Variants in SNRNP27 observed in about 807,000 individuals in gnomAD.
SNRNP27 encodes the protein U4/U6.U5 small nuclear ribonucleoprotein 27 kDa protein.
In SNRNP27, 22 loss-of-function variants were observed where a neutral mutation model predicts 25.1. The observed-to-expected ratio is 0.88, with a 90% CI of 0.63 to 1.25. The LOEUF is 1.25. Among genes scored for constraint, SNRNP27 ranks in the 50% most tolerant of loss-of-function variants. SNRNP27 has a pLI of 0.00. For synonymous variants in SNRNP27, 66 were observed against 64.9 expected, an observed-to-expected ratio of 1.02 and a Z score of -0.08; for missense variants, 150 against 202.3, an observed-to-expected ratio of 0.74 and a Z score of 1.57.
intron 5 of SNRNP27, 30 bp from the exon 6 acceptor site, chr2:69,904,224 A>G: frequency 6.5e-7 from 1 of 1,545,866 alleles, no homozygotes; most frequent in Non-Finnish European, 8.8e-7. Flanking sequence ...GGATTAAAAA[A>G]AAACAATGAA....
In SNRNP27 at chr2:69,896,452, A is replaced by G. The variant is rs1228375056; in HGVS notation, c.172A>G (p.Arg58Gly). The change falls in exon 3 of 6, where the codon AGA (arginine) becomes GGA (glycine). Residue 58 changes from arginine to glycine, a missense_variant. By Grantham distance (125) the Arg-to-Gly change is moderately radical. This residue lies in a region of SNRNP27 where 142 missense variants were observed against 168.6 expected (regional missense o/e 0.84). Coordinates refer to ENST00000244227, the MANE Select transcript of SNRNP27 (RefSeq NM_006857.3). ...RRRSRSPRRHRSTSPSPSRLK... is the reference protein window; with the variant it reads ...RRRSRSPRRHGSTSPSPSRLK... ...AAATATTAGATCTCCAAGACGACAT[A>G]GATCCACATCTCCTTCCCCTTCTCG... 2 of 1,612,098 alleles carry G rather than the reference A, an allele frequency of 1.2e-6. No individual in the cohort carries two copies. The highest frequency in any genetic ancestry group is 2.7e-5 in the African/African-American group (2 of 74,880).
chr2:69,904,733 C>G lies in SNRNP27; in HGVS notation c.*425C>G, dbSNP rs1676765015. ...CAGACATTTTCTTTTTTTTTTCACACATAGATTTAAGTATCTTGATTGTTA... is the reference window on the plus strand; with the variant it reads ...CAGACATTTTCTTTTTTTTTTCACAGATAGATTTAAGTATCTTGATTGTTA... On this transcript the variant is annotated 3_prime_UTR_variant, in exon 6 of 6. Coordinates refer to ENST00000244227, the MANE Select transcript of SNRNP27 (RefSeq NM_006857.3). 1 of 198,104 alleles carries G rather than the reference C, an allele frequency of 5.0e-6. No individual in the cohort carries two copies. 12.3% of individuals were successfully genotyped at this position (198,104 alleles called of 1,614,324 possible). A position where few individuals can be genotyped will look rare whatever the true frequency, so the allele number is the denominator to read the frequency against.
Position 69,899,710 on chromosome 2 carries a change from G to A in SNRNP27, c.348+2254G>A, listed in dbSNP as rs373108893. Among the ~76,000 whole-genome samples, 26 of 152,274 alleles carry A rather than the reference G, an allele frequency of 1.7e-4. No homozygotes were observed. In the East Asian group the frequency reaches 3.3e-3, roughly 19 times the overall value. On this transcript the variant is annotated intron_variant, in intron 4 of 5. Coordinates refer to ENST00000244227, the MANE Select transcript of SNRNP27 (RefSeq NM_006857.3). ...CTCCCAAAGTGCTAGGATTACAGGC[G>A]TGAGACATTGCGCCCGGCCTCATTT...
intron 2 of SNRNP27, among the ~76,000 whole-genome samples, chr2:69,895,516 T>G (rs375142914): frequency 6.6e-6 from 1 of 152,302 alleles, no homozygotes; most frequent in South Asian, 2.1e-4. Flanking sequence ...CTTCCGTTCC[T>G]TTCCTTTCCT....
At position 69,894,028 on chromosome 2, in the gene SNRNP27, G is replaced by A; in HGVS notation, c.34+10G>A. The stretch of plus-strand genomic sequence containing the variant: ...CGCTCTCCACGGAGGGGTGAGTCCT[G>A]TAGCAATTCGGAGGATATGGGGCTC... On this transcript the variant is annotated intron_variant, in intron 1 of 5. Coordinates refer to ENST00000244227, the MANE Select transcript of SNRNP27 (RefSeq NM_006857.3). The A allele has an allele frequency of 1.2e-6, 2 of 1,612,580 alleles. No homozygotes were observed. Among genetic ancestry groups the A allele is most frequent in the Non-Finnish European group, 1.7e-6 (2 of 1,178,668 alleles).
At chr2:69,898,564 C>G (rs531619930) in intron 4 of SNRNP27, among the ~76,000 whole-genome samples, 2 of 152,264 alleles carry the variant, frequency 1.3e-5, no homozygotes, top group South Asian at 4.2e-4. Context: ...AAAAAGTTGT[C>G]AAAAATAATC....
At chr2:69,896,341 GTGGTTCTGTGGAGC>G in intron 2 of SNRNP27, 81 bp from the exon 3 acceptor site, 1 of 1,147,526 alleles carries the variant, frequency 8.7e-7, no homozygotes, top group Non-Finnish European at 1.3e-6. Flanking sequence ...GGAATGACTC[GTGGTTCTGTGGAGC>G]TCACCTCATG....
At position 69,899,437 on chromosome 2, in the gene SNRNP27, T is replaced by G. The variant is rs74559138; in HGVS notation, c.348+1981T>G. ...TATTTGTATTATTTTTTATTTTAAT[T>G]TTATTTTTTCGAGACAGAGTCTCGC... is the stretch of plus-strand genomic sequence containing the variant. On this transcript the variant is annotated intron_variant, in intron 4 of 5. Transcript: ENST00000244227. 3.3e-4 allele frequency among the ~76,000 whole-genome samples: 51 copies of G among 152,300 alleles called. No individual in the cohort carries two copies. The East Asian group carries it at 9.1e-3, about 27-fold the overall frequency.
intron 2 of SNRNP27, 142 bp downstream of exon 2, chr2:69,895,356 A>C: frequency 6.6e-6 from 7 of 1,058,568 alleles, no homozygotes; most frequent in Non-Finnish European, 9.4e-6. Context: ...CCTTATTCTA[A>C]AGCTAACATT....
At chr2:69,896,831 G>T (rs978282972) in intron 3 of SNRNP27, among the ~76,000 whole-genome samples, 3 of 151,970 alleles carry the variant, frequency 2.0e-5, no homozygotes, top group African/African-American at 7.3e-5. Context: ...CCGCCACTAT[G>T]CCCGGCTAAT....
rs1377409209 is a variant in SNRNP27, at chr2:69,897,391, G to A, written c.283G>A (p.Gly95Ser). The change falls in exon 4 of 6, where the codon GGC becomes AGC. Residue 95 changes from glycine (G) to serine (S), a missense_variant. Physicochemically the swap from Gly to Ser is moderately conservative, Grantham distance 56 (BLOSUM62 0). Transcript: ENST00000244227. The part of the protein sequence containing the change: ...ERQITEEDLE[G>S]KTEEEIEMMK... The stretch of plus-strand genomic sequence containing the variant: ...CTTTTTTGCAGAGGAAGACTTAGAG[G>A]GCAAAACAGAGGAAGAAATAGAAAT... 1 of 1,612,582 alleles carries A rather than the reference G, an allele frequency of 6.2e-7. No homozygotes were observed. The highest frequency in any genetic ancestry group is 8.5e-7 in the Non-Finnish European group (1 of 1,179,298).
chr2:69,899,586 C>T (rs928746280), intron 4 of SNRNP27, among the ~76,000 whole-genome samples: 1 of 152,018 alleles, frequency 6.6e-6, no homozygotes, highest in Non-Finnish European at 1.5e-5. Context: ...CCTGCCACCA[C>T]GCCTGGCTAA....
intron 4 of SNRNP27, among the ~76,000 whole-genome samples, chr2:69,899,251 T>C (rs533163323): frequency 6.6e-6 from 1 of 152,342 alleles, no homozygotes; most frequent in East Asian, 1.9e-4. Flanking sequence ...ATTTAGTTTA[T>C]ATGCAGTTGG....
Position 69,904,368 on chromosome 2 carries a change from G to T in SNRNP27, c.*60G>T. The stretch of plus-strand genomic sequence containing the variant: ...TCATCTTGGTCAGAGAGTGGATTTT[G>T]TATTTTGTATTTAACTTGCATTCAA... On this transcript the variant is annotated 3_prime_UTR_variant, in exon 6 of 6. Transcript: ENST00000244227. The T allele has an allele frequency of 8.0e-7, 1 of 1,253,108 alleles. No individual in the cohort carries two copies. Among genetic ancestry groups the T allele is most frequent in the Non-Finnish European group, 1.2e-6 (1 of 856,812 alleles). 77.6% of individuals were successfully genotyped at this position (1,253,108 alleles called of 1,614,324 possible).
In SNRNP27 at chr2:69,894,019, G is replaced by C; in HGVS notation, c.34+1G>C. 2 of 1,613,748 alleles carry C rather than the reference G, an allele frequency of 1.2e-6. No homozygotes were observed. Among genetic ancestry groups the C allele is most frequent in the Non-Finnish European group, 1.7e-6 (2 of 1,179,680 alleles). ...AGTCGCAGCCGCTCTCCACGGAGGG[G>C]TGAGTCCTGTAGCAATTCGGAGGAT... On this transcript the variant is annotated splice_donor_variant, in intron 1 of 5. Coordinates refer to ENST00000244227, the MANE Select transcript of SNRNP27 (RefSeq NM_006857.3). LOFTEE classifies it high-confidence loss of function.
chr2:69,897,787 A>G, intron 4 of SNRNP27: 1 of 201,606 alleles, frequency 5.0e-6, no homozygotes, highest in South Asian at 9.1e-5. Context: ...TTCAGATTCG[A>G]CCAGGGATAA....
At position 69,904,846 on chromosome 2, in the gene SNRNP27, T is replaced by A. The variant is rs933457733; in HGVS notation, c.*538T>A. The A allele has an allele frequency of 6.9e-6, 1 of 144,634 alleles. No individual in the cohort carries two copies. Among genetic ancestry groups the A allele is most frequent in the Non-Finnish European group, 1.5e-5 (1 of 67,374 alleles). 9.0% of individuals were successfully genotyped at this position (144,634 alleles called of 1,614,324 possible). A position where few individuals can be genotyped will look rare whatever the true frequency, so the allele number is the denominator to read the frequency against. ...CGCCCCCCCCCAAAAAAATACCATT[T>A]ATGGTTCTCTCCGCAAGTATAAAAG... On this transcript the variant is annotated 3_prime_UTR_variant, in exon 6 of 6. Transcript: ENST00000244227.
intron 4 of SNRNP27, among the ~76,000 whole-genome samples, chr2:69,900,985 C>T (rs1202549090): frequency 6.6e-6 from 1 of 152,002 alleles, no homozygotes; most frequent in Non-Finnish European, 1.5e-5. Context: ...ACCATCCTGG[C>T]CAACATGATG....
At chr2:69,902,144 G>T (rs560913220) in intron 4 of SNRNP27, among the ~76,000 whole-genome samples, 17 of 152,188 alleles carry the variant, frequency 1.1e-4, no homozygotes, top group African/African-American at 4.1e-4. Flanking sequence ...TATACCACTT[G>T]GGAGCTCATA....
Sources: allele counts gnomAD v4.1 joint callset (sites outside exome capture counted in the v4.1 genomes callset), GRCh38; gene constraint gnomAD v4.1.1; regional missense constraint gnomAD v4.1.1; transcripts MANE v1.5; gene names NCBI Gene and HGNC (gene_info 2026-07-23, HGNC 2026-07-21).